SBF2: variants seen among roughly 807,000 people sequenced by gnomAD.
SBF2 encodes the protein SET binding factor 2, also known as myotubularin-related protein 13.
A neutral mutation model predicts 225.2 loss-of-function variants in SBF2; 112 were observed. The observed-to-expected ratio is 0.50, with a 90% CI of 0.43 to 0.58. SBF2 has a LOEUF of 0.58. Among genes scored for constraint, SBF2 ranks in the 20% least tolerant of loss-of-function variants. The probability of loss-of-function intolerance (pLI) is 0.00; values close to 1 mark genes in which losing one functional copy is unlikely to be tolerated. For synonymous variants in SBF2, 763 were observed against 773.3 expected (o/e 0.99, Z 0.22); for missense variants, 1,996 against 2,206.2 (o/e 0.90, Z 1.91).
intron 13 of SBF2, among the ~76,000 whole-genome samples, chr11:9,975,106 C>T (rs1252857877): frequency 1.3e-5 from 2 of 151,808 alleles, no homozygotes; most frequent in Non-Finnish European, 2.9e-5. Flanking sequence ...AACAGTTTGG[C>T]AGTTTCCTAT....
intron 1 of SBF2, among the ~76,000 whole-genome samples, chr11:10,197,784 T>A (rs1018183441): frequency 6.6e-6 from 1 of 152,256 alleles, no homozygotes; most frequent in East Asian, 1.9e-4. Context: ...CTAAATCCTT[T>A]GTCATTTCAA....
intron 16 of SBF2, among the ~76,000 whole-genome samples, chr11:9,920,042 T>A (rs1051925706): frequency 1.1e-4 from 16 of 151,876 alleles, no homozygotes; most frequent in South Asian, 2.1e-4. Flanking sequence ...TCTTCTTTTT[T>A]AAAAAAAACT....
chr11:10,120,376 C>T (rs1401999482), intron 2 of SBF2, among the ~76,000 whole-genome samples: 1 of 152,184 alleles, frequency 6.6e-6, no homozygotes, highest in Non-Finnish European at 1.5e-5. Flanking sequence ...GTAAATAATG[C>T]TGCAATGAAT....
intron 2 of SBF2, among the ~76,000 whole-genome samples, chr11:10,052,867 T>C (rs1950110152): frequency 6.6e-6 from 1 of 152,196 alleles, no homozygotes; most frequent in Admixed American, 6.5e-5. Context: ...ACTTCTAAAT[T>C]ACCTTCATAA....
At chr11:10,069,080 T>C (rs1300221258) in intron 2 of SBF2, among the ~76,000 whole-genome samples, 4 of 152,202 alleles carry the variant, frequency 2.6e-5, no homozygotes, top group Admixed American at 2.6e-4. Flanking sequence ...TATTCAGGCA[T>C]AATTTGAATA....
intron 13 of SBF2, among the ~76,000 whole-genome samples, chr11:9,975,880 G>C (rs182233247): frequency 6.6e-6 from 1 of 151,612 alleles, no homozygotes; most frequent in Non-Finnish European, 1.5e-5. Context: ...ATGACATGTA[G>C]TGAAATTAAC....
At chr11:9,815,366 T>C (rs1462842634) in intron 29 of SBF2, among the ~76,000 whole-genome samples, 2 of 150,032 alleles carry the variant, frequency 1.3e-5, no homozygotes, top group East Asian at 3.9e-4. Context: ...TGGGGCAGAA[T>C]TGCTTGAACC....
intron 6 of SBF2, among the ~76,000 whole-genome samples, chr11:10,025,151 T>G: frequency 6.6e-6 from 1 of 152,184 alleles, no homozygotes; most frequent in East Asian, 1.9e-4. Context: ...ATATAAAAAT[T>G]CATAGACAAA....
At chr11:10,193,508 C>G (rs548710594) in intron 2 of SBF2, among the ~76,000 whole-genome samples, 11 of 152,094 alleles carry the variant, frequency 7.2e-5, no homozygotes, top group African/African-American at 1.9e-4. Flanking sequence ...ACGCCCGCCA[C>G]CACGCCCGGC....
chr11:10,033,267 T>C (rs758890240), intron 3 of SBF2, among the ~76,000 whole-genome samples: 1 of 152,154 alleles, frequency 6.6e-6, no homozygotes, highest in African/African-American at 2.4e-5. Flanking sequence ...TTTTATGAGA[T>C]TGTGATAAAT....
intron 2 of SBF2, among the ~76,000 whole-genome samples, chr11:10,137,631 C>T (rs1171238358): frequency 6.6e-6 from 1 of 152,088 alleles, no homozygotes; most frequent in African/African-American, 2.4e-5. Flanking sequence ...TTGTCAAATG[C>T]TTTTTCCACA....
chr11:9,888,254 T>G (rs1860498402), intron 17 of SBF2, among the ~76,000 whole-genome samples: 1 of 152,152 alleles, frequency 6.6e-6, no homozygotes, highest in African/African-American at 2.4e-5. Flanking sequence ...CTCCAACACT[T>G]GGGGAAGCCA....
chr11:10,247,638 T>C (rs1436248604), intron 1 of SBF2, among the ~76,000 whole-genome samples: 1 of 151,918 alleles, frequency 6.6e-6, no homozygotes, highest in African/African-American at 2.4e-5. Flanking sequence ...GAGATTGCAG[T>C]GAGCCAAGAT....
chr11:10,026,746 T>A (rs575303465), intron 6 of SBF2, among the ~76,000 whole-genome samples: 5 of 151,920 alleles, frequency 3.3e-5, no homozygotes, highest in East Asian at 3.9e-4. Flanking sequence ...TCCAAAAAAA[T>A]TTTTTTTGTT....
At chr11:10,049,434 C>T (rs1183503098) in intron 2 of SBF2, among the ~76,000 whole-genome samples, 1 of 152,028 alleles carries the variant, frequency 6.6e-6, no homozygotes, top group Non-Finnish European at 1.5e-5. Flanking sequence ...TGGTGAAACC[C>T]CACTTCTACT....
chr11:10,196,626 G>A (rs1213890109), intron 1 of SBF2, among the ~76,000 whole-genome samples: 3 of 151,608 alleles, frequency 2.0e-5, no homozygotes, highest in African/African-American at 7.3e-5. Context: ...CAATCCACCC[G>A]CCTCAGCCTC....
chr11:9,791,701 G>A (rs1341042089), intron 33 of SBF2, among the ~76,000 whole-genome samples: 1 of 152,238 alleles, frequency 6.6e-6, no homozygotes, highest in Non-Finnish European at 1.5e-5. Flanking sequence ...AGTTGCAAAT[G>A]CTCTAGGGGT....
chr11:10,256,301 TCTA>T (rs922576740), intron 1 of SBF2, among the ~76,000 whole-genome samples: 1 of 152,220 alleles, frequency 6.6e-6, no homozygotes, highest in Non-Finnish European at 1.5e-5. Flanking sequence ...CTACTCTCTT[TCTA>T]CTACATGATT....
At chr11:9,789,535 C>T (rs1201274543) in intron 34 of SBF2, among the ~76,000 whole-genome samples, 193 bp from the exon 35 acceptor site, 1 of 152,144 alleles carries the variant, frequency 6.6e-6, no homozygotes, top group Non-Finnish European at 1.5e-5. Context: ...AATCCTCCCT[C>T]CTACATTGAG....
Sources: allele counts gnomAD v4.1 joint callset (sites outside exome capture counted in the v4.1 genomes callset), GRCh38; gene constraint gnomAD v4.1.1; transcripts MANE v1.5; gene names NCBI Gene and HGNC (gene_info 2026-07-23, HGNC 2026-07-21).